The following GIPC2 variants were observed in gnomAD, a reference collection of about 807,000 sequenced individuals.
GIPC2 encodes the protein GIPC PDZ domain containing family member 2.
Under a neutral mutation model 30.6 loss-of-function variants are expected in GIPC2, and 30 were observed. The ratio of observed to expected loss-of-function variants is 0.98; its 90% CI spans 0.73 to 1.33. The LOEUF (loss-of-function observed/expected upper bound fraction) is 1.33, where lower values mean the gene tolerates loss of function less well. Among genes scored for constraint, GIPC2 ranks in the 40% most tolerant of loss-of-function variants. The pLI, the probability that GIPC2 is intolerant of heterozygous loss-of-function variation, is 0.00. For synonymous variants in GIPC2, 167 were observed against 150.0 expected (o/e 1.11, Z -0.83); for missense variants, 414 against 390.3 (o/e 1.06, Z -0.51).
intron 1 of GIPC2, among the ~76,000 whole-genome samples, chr1:78,053,255 A>G (rs7537908): frequency 0.18 from 27,817 of 152,140 alleles, 2,782 homozygotes; most frequent in East Asian, 0.4. Flanking sequence ...TCAACAGCAG[A>G]TAAGACTGCT....
intron 3 of GIPC2, among the ~76,000 whole-genome samples, chr1:78,098,879 A>G (rs548112096): frequency 2.0e-5 from 3 of 152,252 alleles, no homozygotes; most frequent in African/African-American, 4.8e-5. Context: ...AAAAGAAACC[A>G]ACCCTAGAGA....
At chr1:78,128,664 A>G (rs779856591) in intron 5 of GIPC2, among the ~76,000 whole-genome samples, 2 of 152,218 alleles carry the variant, frequency 1.3e-5, no homozygotes, top group Non-Finnish European at 2.9e-5. Flanking sequence ...ACACATACGC[A>G]TAGATGTATT....
upstream of GIPC2, among the ~76,000 whole-genome samples, chr1:78,045,267 C>T: frequency 6.6e-6 from 1 of 152,178 alleles, no homozygotes. Context: ...TAATTCAAGA[C>T]TGTTTTGCTT....
intron 1 of GIPC2, among the ~76,000 whole-genome samples, chr1:78,063,384 C>T (rs770905055): frequency 7.5e-4 from 114 of 151,698 alleles, no homozygotes; most frequent in African/African-American, 2.5e-3. Flanking sequence ...CCTAGCTACT[C>T]GGGAGGCTGA....
At chr1:78,128,849 A>C (rs1662835236) in intron 5 of GIPC2, among the ~76,000 whole-genome samples, 1 of 151,956 alleles carries the variant, frequency 6.6e-6, no homozygotes, top group Admixed American at 6.6e-5. Context: ...AAAACAAAAC[A>C]AAAAAATTAG....
At chr1:78,119,358 TG>T (rs776489231) in intron 3 of GIPC2, 34 bp from the exon 4 acceptor site, 2 of 1,116,818 alleles carry the variant, frequency 1.8e-6, no homozygotes, top group Non-Finnish European at 2.7e-6. Flanking sequence ...ATGCTTTCTG[TG>T]TATATGTATG....
At chr1:78,134,219 T>C (rs765121263) in intron 5 of GIPC2, among the ~76,000 whole-genome samples, 8 of 152,284 alleles carry the variant, frequency 5.3e-5, no homozygotes, top group Middle Eastern at 3.4e-3. Context: ...TTTCCAGTGA[T>C]ATCTACAATT....
chr1:78,104,184 AG>A (rs764259994), intron 3 of GIPC2, among the ~76,000 whole-genome samples: 1 of 140,296 alleles, frequency 7.1e-6, no homozygotes, highest in African/African-American at 2.7e-5. Flanking sequence ...GAGGGGGGAG[AG>A]GGGGCCGGGG....
At chr1:78,056,899 C>A (rs1338352507) in intron 1 of GIPC2, among the ~76,000 whole-genome samples, 1 of 152,000 alleles carries the variant, frequency 6.6e-6, no homozygotes, top group African/African-American at 2.4e-5. Flanking sequence ...CTATAGATTC[C>A]CCTTCGTCTT....
At chr1:78,112,560 C>A (rs1662490791) in intron 3 of GIPC2, 2 of 518,954 alleles carry the variant, frequency 3.9e-6, no homozygotes, top group Non-Finnish European at 7.7e-6. Flanking sequence ...CTCATGGGAC[C>A]AGAACAAGGC....
chr1:78,091,563 G>A, intron 2 of GIPC2: 2 of 756,276 alleles, frequency 2.6e-6, no homozygotes, highest in South Asian at 2.7e-5. Flanking sequence ...GATTTCAGCG[G>A]CAACCTCTCG....
chr1:78,137,788 T>A lies in GIPC2; in HGVS notation c.*2045T>A, dbSNP rs1191734833. 2 of 152,206 alleles carry A rather than the reference T, an allele frequency of 1.3e-5. No homozygotes were observed. The highest frequency in any genetic ancestry group is 4.8e-5 in the African/African-American group (2 of 41,460). 9.4% of individuals were successfully genotyped at this position (152,206 alleles called of 1,614,324 possible). A position where few individuals can be genotyped will look rare whatever the true frequency, so the allele number is the denominator to read the frequency against. On this transcript the variant is annotated 3_prime_UTR_variant, in exon 6 of 6. Transcript: ENST00000370759. The stretch of plus-strand genomic sequence containing the variant: ...GGTCAGTTTCTTTATGTCATTTTAT[T>A]CCCATACCTAAAATTGCATCTATTT...
intron 3 of GIPC2, among the ~76,000 whole-genome samples, chr1:78,101,953 G>T (rs1662257932): frequency 6.6e-6 from 1 of 152,112 alleles, no homozygotes; most frequent in Admixed American, 6.6e-5. Context: ...TGCAGAAAAA[G>T]AACAAATCCA....
In GIPC2 at chr1:78,046,294, A is replaced by T. The variant is rs1444138130; in HGVS notation, c.200A>T (p.Tyr67Phe). The change falls in exon 1 of 6, where the codon TAC becomes TTC. Residue 67 changes from tyrosine to phenylalanine, a missense_variant. Transcript: ENST00000370759. ...GGCTTCTCCAGCATCCAGGAGCTCT[A>T]CGCCCAGATCGCGGGCGCGTTTGAA... ...VEGFSSIQELYAQIAGAFEIS... is the reference protein window; with the variant it reads ...VEGFSSIQELFAQIAGAFEIS... 4 of 1,611,640 alleles carry T rather than the reference A, an allele frequency of 2.5e-6. No homozygotes were observed. The highest frequency in any genetic ancestry group is 3.4e-6 in the Non-Finnish European group (4 of 1,179,468).
chr1:78,104,135 A>G (rs897010170), intron 3 of GIPC2, among the ~76,000 whole-genome samples: 2 of 149,832 alleles, frequency 1.3e-5, no homozygotes, highest in Admixed American at 1.3e-4. Context: ...AACCAAGAGT[A>G]AATTTCTCAC....
intron 5 of GIPC2, among the ~76,000 whole-genome samples, chr1:78,126,264 A>T (rs1210297043): frequency 6.6e-6 from 1 of 152,250 alleles, no homozygotes; most frequent in Non-Finnish European, 1.5e-5. Flanking sequence ...TGAATTTTGT[A>T]GATGATACAT....
intron 3 of GIPC2, among the ~76,000 whole-genome samples, chr1:78,115,809 A>G (rs1339685867): frequency 6.6e-6 from 1 of 152,218 alleles, no homozygotes; most frequent in Non-Finnish European, 1.5e-5. Flanking sequence ...CTAATTTTTA[A>G]TAATTGTATT....
intron 1 of GIPC2, among the ~76,000 whole-genome samples, chr1:78,056,456 C>T (rs538813171): frequency 6.6e-5 from 10 of 151,866 alleles, no homozygotes; most frequent in South Asian, 2.1e-4. Context: ...CCAGCCTGGG[C>T]GACAAAAGCC....
chr1:78,045,033 AGAGGT>A, upstream of GIPC2: 1 of 953,408 alleles, frequency 1.0e-6, no homozygotes, highest in Non-Finnish European at 1.2e-6. Context: ...CGGGGAGAGG[AGAGGT>A]AAGGAAGCCA....
Sources: allele counts gnomAD v4.1 joint callset (sites outside exome capture counted in the v4.1 genomes callset), GRCh38; gene constraint gnomAD v4.1.1; transcripts MANE v1.5; gene names NCBI Gene and HGNC (gene_info 2026-07-23, HGNC 2026-07-21).